COL21A1: variants seen among roughly 807,000 people sequenced by gnomAD.
COL21A1 encodes collagen type XXI alpha 1 chain.
Under a neutral mutation model 137.9 loss-of-function variants are expected in COL21A1, and 149 were observed. The ratio of observed to expected loss-of-function variants is 1.08; its 90% CI spans 0.95 to 1.24. The LOEUF is 1.24. Among genes scored for constraint, COL21A1 ranks in the 50% most tolerant of loss-of-function variants. The pLI, the probability that COL21A1 is intolerant of heterozygous loss-of-function variation, is 0.00. For missense variants in COL21A1, 1,167 were observed against 1,158.4 expected (o/e 1.01, Z -0.11); for synonymous variants, 456 against 391.5 (o/e 1.16, Z -1.95).
At position 56,090,689 on chromosome 6, in the gene COL21A1, TATA is replaced by T. The variant is rs553736318; in HGVS notation, c.1812+10780_1812+10782del. Among the ~76,000 whole-genome samples the T allele has an allele frequency of 5.1e-4, 78 of 152,134 alleles. 1 individual carries two copies. In the South Asian group the frequency reaches 0.016, roughly 31 times the overall value. Reference sequence around the variant, plus strand: ...CATAATTACTATGACAATAAATTATTATAATAGTTTTATGTAGTAATATTGTTT... The same window carrying T: ...CATAATTACTATGACAATAAATTATTATAGTTTTATGTAGTAATATTGTTT... On this transcript the variant is annotated intron_variant, in intron 17 of 29. Transcript: ENST00000244728.
At chr6:56,066,409 A>T (rs1024177817) in intron 23 of COL21A1, among the ~76,000 whole-genome samples, 1 of 151,914 alleles carries the variant, frequency 6.6e-6, no homozygotes, top group African/African-American at 2.4e-5. Flanking sequence ...ATTCTACAGC[A>T]TTCAGAATTC....
intron 19 of COL21A1, 123 bp downstream of exon 19, chr6:56,075,356 T>G: frequency 1.4e-6 from 1 of 690,090 alleles, no homozygotes; most frequent in Non-Finnish European, 2.4e-6. Context: ...ATGGAATTCA[T>G]GGACCTCAAA....
At chr6:56,116,139 G>C (rs1224389492) in intron 16 of COL21A1, among the ~76,000 whole-genome samples, 1 of 151,946 alleles carries the variant, frequency 6.6e-6, no homozygotes, top group Non-Finnish European at 1.5e-5. Flanking sequence ...CCCAAACCTA[G>C]AGAAAGATAT....
intron 1 of COL21A1, among the ~76,000 whole-genome samples, chr6:56,376,494 A>C (rs1399369867): frequency 6.6e-6 from 1 of 152,034 alleles, no homozygotes. Flanking sequence ...GCAGAGGGGA[A>C]TAAATCAGTA....
At chr6:56,248,157 G>A (rs752019485), upstream of COL21A1, among the ~76,000 whole-genome samples, 6 of 152,190 alleles carry the variant, frequency 3.9e-5, no homozygotes, top group Admixed American at 6.5e-5. Flanking sequence ...CCCTTTGAGT[G>A]CATTCTTCAC....
chr6:56,101,089 C>G (rs1770417814), intron 17 of COL21A1, among the ~76,000 whole-genome samples: 1 of 152,166 alleles, frequency 6.6e-6, no homozygotes, highest in Admixed American at 6.5e-5. Context: ...TCAGTACTTT[C>G]TTAGTCATGT....
intron 1 of COL21A1, chr6:56,331,682 C>G (rs151139105): frequency 3.1e-4 from 47 of 152,116 alleles, no homozygotes; most frequent in African/African-American, 1.1e-3. Context: ...GTTACTAAAG[C>G]CTGTTAGTAT....
intron 1 of COL21A1, among the ~76,000 whole-genome samples, chr6:56,312,026 C>A (rs1049604250): frequency 2.0e-5 from 3 of 152,126 alleles, no homozygotes; most frequent in Admixed American, 2.0e-4. Flanking sequence ...ATTGTGTGAG[C>A]AGGGAACTAT....
At chr6:56,143,106 G>A (rs1370315733) in intron 10 of COL21A1, among the ~76,000 whole-genome samples, 1 of 149,826 alleles carries the variant, frequency 6.7e-6, no homozygotes, top group East Asian at 2.0e-4. Context: ...CAGTCTTATT[G>A]TTTTTCTCCT....
intron 1 of COL21A1, among the ~76,000 whole-genome samples, chr6:56,321,845 G>C (rs1384254542): frequency 6.6e-6 from 1 of 152,064 alleles, no homozygotes; most frequent in East Asian, 1.9e-4. Context: ...ATTCTTCTAT[G>C]GTCGTTCAGC....
intron 16 of COL21A1, among the ~76,000 whole-genome samples, chr6:56,103,915 T>C (rs1458425526): frequency 6.6e-6 from 1 of 152,178 alleles, no homozygotes; most frequent in African/African-American, 2.4e-5. Flanking sequence ...CTGAGACTGC[T>C]AGTCTTGGAC....
chr6:56,221,202 T>A (rs1179313781), intron 1 of COL21A1, among the ~76,000 whole-genome samples: 2 of 152,122 alleles, frequency 1.3e-5, no homozygotes, highest in Non-Finnish European at 2.9e-5. Context: ...CAACCACAGA[T>A]GTTCCCAGAT....
chr6:56,155,828 G>C (rs114310923), intron 10 of COL21A1, among the ~76,000 whole-genome samples: 4,670 of 152,152 alleles, frequency 0.031, 172 homozygotes, highest in African/African-American at 0.085. Flanking sequence ...GTCTCAAACT[G>C]CTGGTCTCAA....
intron 1 of COL21A1, among the ~76,000 whole-genome samples, chr6:56,377,497 C>A (rs1243315386): frequency 6.6e-6 from 1 of 152,166 alleles, no homozygotes; most frequent in Non-Finnish European, 1.5e-5. Context: ...CCAAACCAAA[C>A]TCAGCTGACA....
chr6:56,123,921 C>G, intron 16 of COL21A1, 141 bp downstream of exon 16: 2 of 667,356 alleles, frequency 3.0e-6, no homozygotes, highest in Non-Finnish European at 4.9e-6. Context: ...TTTTAAATTA[C>G]ACGTAAAAAA....
intron 10 of COL21A1, among the ~76,000 whole-genome samples, chr6:56,150,887 T>TGC (rs1775265568): frequency 1.3e-5 from 2 of 152,314 alleles, no homozygotes; most frequent in Admixed American, 1.3e-4. Flanking sequence ...ATCTCTCTAA[T>TGC]GATCAGCTTG....
chr6:56,122,707 G>C (rs2152209088), intron 16 of COL21A1, among the ~76,000 whole-genome samples: 1 of 152,240 alleles, frequency 6.6e-6, no homozygotes, highest in East Asian at 1.9e-4. Context: ...ATACTACCCA[G>C]ATTAAGACTA....
At chr6:56,328,453 T>C (rs1195870830) in intron 1 of COL21A1, among the ~76,000 whole-genome samples, 1 of 152,094 alleles carries the variant, frequency 6.6e-6, no homozygotes, top group East Asian at 1.9e-4. Context: ...ACTTCACCTA[T>C]ACTAAACAAC....
At chr6:56,129,837 A>C (rs988710594) in intron 12 of COL21A1, among the ~76,000 whole-genome samples, 5 of 109,566 alleles carry the variant, frequency 4.6e-5, no homozygotes, top group African/African-American at 1.7e-4. Context: ...ACAAAAGAAA[A>C]AATAAATTTT....
Sources: gnomAD v4.1 joint callset for allele counts (sites outside exome capture counted in the v4.1 genomes callset) on GRCh38, gnomAD v4.1.1 for gene constraint, MANE v1.5 for transcripts, NCBI Gene and HGNC (gene_info 2026-07-23, HGNC 2026-07-21) for gene names.